ASIC2: variants seen among roughly 807,000 people sequenced by gnomAD.
ASIC2 encodes acid-sensing ion channel 2.
A neutral mutation model predicts 57.3 loss-of-function variants in ASIC2; 25 were observed. The ratio of observed to expected loss-of-function variants is 0.44; its 90% CI spans 0.32 to 0.61. The LOEUF is 0.61. ASIC2 is among the 20% of genes least tolerant of loss of function. ASIC2 has a pLI of 0.06. For missense variants in ASIC2, 641 were observed against 738.1 expected (o/e 0.87, Z 1.52); for synonymous variants, 319 against 307.5 (o/e 1.04, Z -0.39).
intron 1 of ASIC2, among the ~76,000 whole-genome samples, chr17:33,332,890 C>G (rs1907371253): frequency 6.6e-6 from 1 of 151,598 alleles, no homozygotes; most frequent in Admixed American, 6.6e-5. Flanking sequence ...AACTCCATCT[C>G]AAAACAAAAC....
At chr17:33,579,879 T>C (rs369191671) in intron 1 of ASIC2, among the ~76,000 whole-genome samples, 5 of 140,476 alleles carry the variant, frequency 3.6e-5, no homozygotes, top group African/African-American at 1.2e-4. Flanking sequence ...ATCCTGCTTA[T>C]TGGTCCATTT....
intron 1 of ASIC2, among the ~76,000 whole-genome samples, chr17:33,398,826 C>G (rs1910175592): frequency 6.6e-6 from 1 of 152,144 alleles, no homozygotes; most frequent in South Asian, 2.1e-4. Flanking sequence ...CCATTGAAGA[C>G]AGAACCAAGA....
chr17:33,263,755 C>A (rs75266219), intron 1 of ASIC2, among the ~76,000 whole-genome samples: 2 of 65,384 alleles, frequency 3.1e-5, no homozygotes, highest in African/African-American at 9.6e-5. Context: ...GAAAGGGGGG[C>A]CCACCCGCTG....
intron 1 of ASIC2, among the ~76,000 whole-genome samples, chr17:33,577,003 A>G (rs1240229869): frequency 6.6e-6 from 1 of 152,226 alleles, no homozygotes; most frequent in Non-Finnish European, 1.5e-5. Context: ...CTCATTAAAC[A>G]TTACCTTGTA....
intron 3 of ASIC2, among the ~76,000 whole-genome samples, chr17:33,055,387 C>T (rs2091993806): frequency 6.6e-6 from 1 of 152,232 alleles, no homozygotes; most frequent in South Asian, 2.1e-4. Flanking sequence ...ACTGTCGCTT[C>T]TGGTTACCAA....
intron 1 of ASIC2, chr17:34,071,372 A>G (rs1419797908): frequency 6.6e-6 from 1 of 151,856 alleles, no homozygotes; most frequent in Non-Finnish European, 1.5e-5. Context: ...CAACACATCC[A>G]CTTCTCACCA....
intron 1 of ASIC2, chr17:34,002,210 G>T (rs992012244): frequency 4.6e-5 from 7 of 152,204 alleles, no homozygotes; most frequent in African/African-American, 1.7e-4. Flanking sequence ...TGCTTTTCCA[G>T]CCAGATTCCT....
At chr17:33,917,938 A>G (rs1347280256) in intron 1 of ASIC2, among the ~76,000 whole-genome samples, 1 of 143,756 alleles carries the variant, frequency 7.0e-6, no homozygotes, top group East Asian at 2.1e-4. Flanking sequence ...GTGAACTCTC[A>G]TTCATTCCAC....
At chr17:33,917,413 C>G (rs553469534) in intron 1 of ASIC2, among the ~76,000 whole-genome samples, 1 of 152,296 alleles carries the variant, frequency 6.6e-6, no homozygotes, top group East Asian at 1.9e-4. Flanking sequence ...GGCTTGAAAC[C>G]TGGAAGTCAT....
intron 1 of ASIC2, among the ~76,000 whole-genome samples, chr17:33,549,031 C>T (rs193039525): frequency 1.2e-3 from 183 of 152,228 alleles, no homozygotes; most frequent in African/African-American, 4.1e-3. Flanking sequence ...CTTGTTTTGT[C>T]TGTTTCTTGT....
chr17:33,931,435 T>C (rs1015280029), intron 1 of ASIC2: 2 of 152,206 alleles, frequency 1.3e-5, no homozygotes, highest in Non-Finnish European at 2.9e-5. Flanking sequence ...AGGCCTGAAA[T>C]GCAGCGCCGG....
intron 1 of ASIC2, among the ~76,000 whole-genome samples, chr17:33,881,242 G>T (rs1169844232): frequency 2.0e-5 from 3 of 152,134 alleles, no homozygotes; most frequent in African/African-American, 4.8e-5. Context: ...TTCAACATAG[G>T]GTTGGAAGTC....
intron 1 of ASIC2, among the ~76,000 whole-genome samples, chr17:33,360,990 C>G (rs1908581021): frequency 6.6e-6 from 1 of 152,146 alleles, no homozygotes; most frequent in Admixed American, 6.5e-5. Context: ...GGTTTGCAGA[C>G]CACTTTACAG....
At chr17:33,044,772 C>T (rs1270564586) in intron 3 of ASIC2, among the ~76,000 whole-genome samples, 2 of 152,190 alleles carry the variant, frequency 1.3e-5, no homozygotes, top group Non-Finnish European at 2.9e-5. Flanking sequence ...TCTAAAAGAA[C>T]AGACATGCAC....
intron 1 of ASIC2, among the ~76,000 whole-genome samples, chr17:33,235,433 C>A (rs1908258299): frequency 6.6e-6 from 1 of 152,262 alleles, no homozygotes; most frequent in South Asian, 2.1e-4. Context: ...TTGGTGCCTT[C>A]CAGCTCTGAG....
intron 1 of ASIC2, among the ~76,000 whole-genome samples, chr17:34,087,309 G>A (rs1381402770): frequency 7.0e-6 from 1 of 142,824 alleles, no homozygotes; most frequent in African/African-American, 2.5e-5. Context: ...AGCTTAGTTT[G>A]GCTGGACATG....
intron 1 of ASIC2, among the ~76,000 whole-genome samples, chr17:33,279,834 T>C (rs35764872): frequency 0.029 from 4,355 of 152,276 alleles, 183 homozygotes; most frequent in African/African-American, 0.089. Context: ...ACTAACCTTC[T>C]GAGCTTCGGT....
chr17:33,582,305 A>G (rs1288860204), intron 1 of ASIC2, among the ~76,000 whole-genome samples: 1 of 152,238 alleles, frequency 6.6e-6, no homozygotes, highest in Non-Finnish European at 1.5e-5. Flanking sequence ...CTCAATAAAT[A>G]TAAGTGAATG....
intron 1 of ASIC2, among the ~76,000 whole-genome samples, chr17:33,454,756 T>C (rs1050447714): frequency 1.3e-5 from 2 of 152,122 alleles, no homozygotes; most frequent in African/African-American, 4.8e-5. Flanking sequence ...ACCAGCAGAT[T>C]TGGTGTCTGG....
Sources: gnomAD v4.1 joint callset for allele counts (sites outside exome capture counted in the v4.1 genomes callset) on GRCh38, gnomAD v4.1.1 for gene constraint, MANE v1.5 for transcripts, NCBI Gene and HGNC (gene_info 2026-07-23, HGNC 2026-07-21) for gene names.